The following SDK1 variants were observed in gnomAD, a reference collection of about 807,000 sequenced individuals.
SDK1 encodes protein sidekick-1.
SDK1 carries 157 observed loss-of-function variants against 245.5 expected under a neutral mutation model. That is an observed-to-expected ratio of 0.64 (90% CI 0.56 to 0.73). SDK1 has a LOEUF of 0.73. Ranked by LOEUF, SDK1 falls within the 30% of genes least tolerant of loss-of-function variation. SDK1 has a pLI of 0.00. For synonymous variants in SDK1, 1,647 were observed against 1,278.5 expected (o/e 1.29, Z -6.15); for missense variants, 3,583 against 3,002.3 (o/e 1.19, Z -4.52).
intron 4 of SDK1, among the ~76,000 whole-genome samples, chr7:3,740,869 C>G (rs1779458191): frequency 1.3e-5 from 2 of 152,116 alleles, no homozygotes; most frequent in Admixed American, 6.5e-5. Flanking sequence ...TTTTCAGAGA[C>G]TTTTATTCTG....
chr7:3,898,466 A>G (rs1781677415), intron 5 of SDK1, among the ~76,000 whole-genome samples: 1 of 152,240 alleles, frequency 6.6e-6, no homozygotes, highest in African/African-American at 2.4e-5. Flanking sequence ...AATACAAGTC[A>G]TCATTAAAAT....
chr7:4,225,804 C>T (rs569329342), intron 40 of SDK1, among the ~76,000 whole-genome samples: 1 of 152,132 alleles, frequency 6.6e-6, no homozygotes, highest in Non-Finnish European at 1.5e-5. Flanking sequence ...CAAGATGTGA[C>T]AACAGACTTA....
chr7:3,994,271 G>A (rs573500069), intron 14 of SDK1, among the ~76,000 whole-genome samples: 1 of 152,242 alleles, frequency 6.6e-6, no homozygotes, highest in South Asian at 2.1e-4. Context: ...ACACCTCCAT[G>A]TCCCAGGGCT....
intron 1 of SDK1, among the ~76,000 whole-genome samples, chr7:3,319,095 A>T (rs1353764797): frequency 6.6e-6 from 1 of 151,836 alleles, no homozygotes; most frequent in African/African-American, 2.4e-5. Flanking sequence ...TGGCATGACA[A>T]CTCTGGCAGT....
chr7:4,061,801 C>A (rs1471080471), intron 19 of SDK1, among the ~76,000 whole-genome samples: 3 of 151,602 alleles, frequency 2.0e-5, no homozygotes, highest in Non-Finnish European at 4.4e-5. Context: ...ACTATGCAGC[C>A]ATAAAAAATG....
intron 4 of SDK1, among the ~76,000 whole-genome samples, chr7:3,770,571 C>T (rs189381267): frequency 4.9e-4 from 75 of 152,346 alleles, no homozygotes; most frequent in African/African-American, 1.7e-3. Context: ...TCACCAGCAA[C>T]GTCTGAGTGG....
Position 3,484,242 on chromosome 7 carries a change from A to G in SDK1, c.299-134838A>G, listed in dbSNP as rs755521981. Among the ~76,000 whole-genome samples, 8 of 152,172 alleles carry G rather than the reference A, an allele frequency of 5.3e-5. No homozygotes were observed. The East Asian group carries it at 1.3e-3, about 26-fold the overall frequency. ...ATCCATGAATTCACATCCCTCCAAT[A>G]CTGTACAGTTTTGTAGGATTTGAAC... On this transcript the variant is annotated intron_variant, in intron 1 of 44. Transcript: ENST00000404826.
chr7:4,009,135 G>C (rs916769816), intron 14 of SDK1, among the ~76,000 whole-genome samples: 2 of 152,190 alleles, frequency 1.3e-5, no homozygotes, highest in Admixed American at 6.5e-5. Flanking sequence ...TATCATTGTG[G>C]TTCTGTTTTG....
At chr7:4,016,524 G>C (rs564585558) in intron 16 of SDK1, among the ~76,000 whole-genome samples, 2 of 152,186 alleles carry the variant, frequency 1.3e-5, no homozygotes, top group Non-Finnish European at 2.9e-5. Context: ...CCTAAGTCCT[G>C]AGTTGTGTAC....
chr7:3,419,999 T>C (rs901326302), intron 1 of SDK1, among the ~76,000 whole-genome samples: 49 of 152,352 alleles, frequency 3.2e-4, no homozygotes, highest in African/African-American at 1.2e-3. Context: ...CCTCTGTGAC[T>C]GTGAAACATG....
intron 4 of SDK1, among the ~76,000 whole-genome samples, chr7:3,655,083 C>G (rs1286139851): frequency 6.7e-6 from 1 of 149,622 alleles, no homozygotes; most frequent in African/African-American, 2.5e-5. Context: ...TCTGTACCCA[C>G]ATTATATTTT....
chr7:3,971,450 C>CTTGTGT lies in SDK1; in HGVS notation c.1715-13_1715-8dup, dbSNP rs1251208569. On this transcript the variant is annotated splice_polypyrimidine_tract_variant and intron_variant, in intron 11 of 44. Transcript: ENST00000404826. Reference sequence around the variant, plus strand: ...ACTTGTCATTTCGTCTGACTCGTGACTTGTGTTTTTTTCAGATCGGACGTC... The same window carrying CTTGTGT: ...ACTTGTCATTTCGTCTGACTCGTGACTTGTGTTTGTGTTTTTTTCAGATCGGACGTC... The CTTGTGT allele has an allele frequency of 6.3e-7, 1 of 1,582,562 alleles. No individual in the cohort carries two copies. Among genetic ancestry groups the CTTGTGT allele is most frequent in the African/African-American group, 1.3e-5 (1 of 74,514 alleles).
At chr7:3,683,292 T>C (rs1220471365) in intron 4 of SDK1, among the ~76,000 whole-genome samples, 1 of 152,206 alleles carries the variant, frequency 6.6e-6, no homozygotes, top group Non-Finnish European at 1.5e-5. Flanking sequence ...ACTTGCCAAA[T>C]ACTTGCTTAA....
intron 1 of SDK1, among the ~76,000 whole-genome samples, chr7:3,447,707 T>A (rs1413288404): frequency 6.8e-6 from 1 of 147,422 alleles, no homozygotes. Flanking sequence ...ATCTTTTTTT[T>A]TTTTTTTTTT....
intron 1 of SDK1, among the ~76,000 whole-genome samples, chr7:3,482,512 G>A (rs1164079280): frequency 6.6e-6 from 1 of 152,152 alleles, no homozygotes; most frequent in Non-Finnish European, 1.5e-5. Context: ...GAATGAGAAA[G>A]AAATCTCTGC....
At chr7:4,216,618 T>C (rs191153728) in intron 38 of SDK1, among the ~76,000 whole-genome samples, 6 of 152,328 alleles carry the variant, frequency 3.9e-5, no homozygotes, top group African/African-American at 7.2e-5. Context: ...TTGAAGTATA[T>C]TGTGATGACA....
intron 4 of SDK1, among the ~76,000 whole-genome samples, chr7:3,778,849 G>T (rs901030434): frequency 6.6e-6 from 1 of 152,154 alleles, no homozygotes; most frequent in Non-Finnish European, 1.5e-5. Flanking sequence ...ATTATAGACC[G>T]CCTTTCCAGT....
intron 1 of SDK1, among the ~76,000 whole-genome samples, chr7:3,508,372 C>G (rs1482579679): frequency 2.0e-5 from 3 of 146,938 alleles, no homozygotes; most frequent in East Asian, 2.0e-4. Flanking sequence ...GTTGCCCTGG[C>G]TGGAGTGCAG....
intron 5 of SDK1, among the ~76,000 whole-genome samples, chr7:3,851,632 T>C (rs964807712): frequency 2.0e-5 from 3 of 152,160 alleles, no homozygotes; most frequent in African/African-American, 7.2e-5. Context: ...GGAGACTTAC[T>C]AAGTAAGATT....
Sources: allele counts gnomAD v4.1 joint callset (sites outside exome capture counted in the v4.1 genomes callset), GRCh38; gene constraint gnomAD v4.1.1; transcripts MANE v1.5; gene names NCBI Gene and HGNC (gene_info 2026-07-23, HGNC 2026-07-21).